Variants in AUTS2 observed in about 807,000 individuals in gnomAD.
AUTS2 encodes the protein autism susceptibility gene 2 protein.
A neutral mutation model predicts 112.4 loss-of-function variants in AUTS2; 17 were observed. The observed-to-expected ratio is 0.15, with a 90% CI of 0.10 to 0.23. AUTS2 has a LOEUF of 0.23. AUTS2 is among the 10% of genes least tolerant of loss of function. AUTS2 has a pLI of 1.00. For synonymous variants in AUTS2, 751 were observed against 702.7 expected (o/e 1.07, Z -1.09); for missense variants, 1,510 against 1,701.6 (o/e 0.89, Z 1.98).
chr7:69,694,998 A>G (rs1797496112), intron 1 of AUTS2, among the ~76,000 whole-genome samples: 1 of 152,120 alleles, frequency 6.6e-6, no homozygotes, highest in South Asian at 2.1e-4. Flanking sequence ...GTGGTAACCT[A>G]TGTTTTGTCA....
intron 4 of AUTS2, among the ~76,000 whole-genome samples, chr7:70,390,968 G>T (rs1793825429): frequency 6.6e-6 from 1 of 152,184 alleles, no homozygotes; most frequent in Non-Finnish European, 1.5e-5. Context: ...CCGAATCTGT[G>T]CTGATAACTG....
At chr7:69,856,451 C>A (rs1054825410) in intron 1 of AUTS2, among the ~76,000 whole-genome samples, 1 of 152,184 alleles carries the variant, frequency 6.6e-6, no homozygotes, top group African/African-American at 2.4e-5. Flanking sequence ...AACTGGTAAT[C>A]TCAGTTCCTG....
chr7:70,034,190 G>GA (rs1165080578), intron 2 of AUTS2, among the ~76,000 whole-genome samples: 1 of 152,154 alleles, frequency 6.6e-6, no homozygotes, highest in African/African-American at 2.4e-5. Flanking sequence ...GGTGTCCTCT[G>GA]AAAAATCAGA....
chr7:69,979,577 A>C (rs1798208409), intron 2 of AUTS2, among the ~76,000 whole-genome samples: 1 of 152,222 alleles, frequency 6.6e-6, no homozygotes, highest in Non-Finnish European at 1.5e-5. Flanking sequence ...GTATTTTGGA[A>C]ATAAAAGATG....
chr7:69,778,411 C>G (rs1374347115), intron 1 of AUTS2, among the ~76,000 whole-genome samples: 1 of 151,646 alleles, frequency 6.6e-6, no homozygotes, highest in East Asian at 1.9e-4. Flanking sequence ...AAAAAAAAAC[C>G]CATGCCAAGA....
chr7:69,876,463 T>A (rs1484559387), intron 1 of AUTS2, among the ~76,000 whole-genome samples: 6 of 123,422 alleles, frequency 4.9e-5, no homozygotes, highest in Non-Finnish European at 6.7e-5. Context: ...ATACATTATA[T>A]ATATACATAA....
intron 2 of AUTS2, among the ~76,000 whole-genome samples, chr7:70,040,617 C>T (rs891672765): frequency 6.6e-6 from 1 of 152,160 alleles, no homozygotes; most frequent in African/African-American, 2.4e-5. Flanking sequence ...TTCCTTCTGC[C>T]ACCAAGGAGC....
rs1460005573 is a variant in AUTS2, at chr7:70,789,779, C to T, written c.2563C>T (p.Pro855Ser). ...CGTCGAGAAGAGACACTCCAGCCAC[C>T]CTTCACCAGCACCTGTCCTCCCGGT... ...ESVEKRHSSH[P>S]SPAPVLPVNA... The change falls in exon 19 of 19, where the codon CCT (proline) becomes TCT (serine). Residue 855 changes from proline to serine, a missense_variant. Coordinates refer to ENST00000342771, the MANE Select transcript of AUTS2 (RefSeq NM_015570.4). The T allele has an allele frequency of 6.2e-7, 1 of 1,613,996 alleles. No homozygotes were observed. Among genetic ancestry groups the T allele is most frequent in the Non-Finnish European group, 8.5e-7 (1 of 1,179,918 alleles).
chr7:70,045,754 G>T (rs150090650), intron 2 of AUTS2, among the ~76,000 whole-genome samples: 3 of 149,404 alleles, frequency 2.0e-5, no homozygotes, highest in African/African-American at 7.4e-5. Context: ...GATTACAGGC[G>T]CATGCCACCA....
At position 70,462,463 on chromosome 7, in the gene AUTS2, T is replaced by C. The variant is rs190846007; in HGVS notation, c.690+26682T>C. Among the ~76,000 whole-genome samples, 46 of 152,258 alleles carry C rather than the reference T, an allele frequency of 3.0e-4. 1 individual carries two copies. The highest frequency in any genetic ancestry group is 1.0e-3 in the African/African-American group (42 of 41,566). On this transcript the variant is annotated intron_variant, in intron 5 of 18. Coordinates refer to ENST00000342771, the MANE Select transcript of AUTS2 (RefSeq NM_015570.4). ...AGGTATTCACTCTAAAATACCACTTTTCTCTATGTTTGAAAATTTTCATAA... is the reference window on the plus strand; with the variant it reads ...AGGTATTCACTCTAAAATACCACTTCTCTCTATGTTTGAAAATTTTCATAA...
chr7:69,682,315 C>T (rs1796834556), intron 1 of AUTS2, among the ~76,000 whole-genome samples: 1 of 152,136 alleles, frequency 6.6e-6, no homozygotes, highest in African/African-American at 2.4e-5. Flanking sequence ...ACTTCAGTGT[C>T]GTGTTTAGAG....
chr7:69,628,165 A>G (rs1583968817), intron 1 of AUTS2, among the ~76,000 whole-genome samples: 1 of 152,210 alleles, frequency 6.6e-6, no homozygotes, highest in Non-Finnish European at 1.5e-5. Flanking sequence ...CCCTGAAACG[A>G]GATGGTTTAT....
At chr7:69,613,350 G>A (rs1303929616) in intron 1 of AUTS2, among the ~76,000 whole-genome samples, 1 of 152,176 alleles carries the variant, frequency 6.6e-6, no homozygotes, top group Non-Finnish European at 1.5e-5. Context: ...CCTTTGAAAA[G>A]TTGGAGCTTA....
chr7:70,339,510 T>C (rs1791159207), intron 4 of AUTS2, among the ~76,000 whole-genome samples: 1 of 152,246 alleles, frequency 6.6e-6, no homozygotes, highest in South Asian at 2.1e-4. Context: ...CGGGGTCATC[T>C]ATTGTATTAA....
chr7:70,617,709 G>A (rs753277342), intron 5 of AUTS2, among the ~76,000 whole-genome samples: 7 of 151,954 alleles, frequency 4.6e-5, no homozygotes, highest in South Asian at 2.1e-4. Context: ...GAAAGTGACC[G>A]AGGGAGAGGA....
intron 1 of AUTS2, among the ~76,000 whole-genome samples, chr7:69,797,099 C>T (rs912150840): frequency 6.6e-6 from 1 of 152,098 alleles, no homozygotes; most frequent in Non-Finnish European, 1.5e-5. Flanking sequence ...AGTGGCTAAA[C>T]TTCAACTTTT....
chr7:70,059,814 T>A (rs1237306868), intron 2 of AUTS2, among the ~76,000 whole-genome samples: 2 of 152,240 alleles, frequency 1.3e-5, no homozygotes, highest in East Asian at 1.9e-4. Flanking sequence ...ATTTTTGAGG[T>A]AGGAAGTGAT....
At chr7:69,923,643 C>T (rs145262309) in intron 2 of AUTS2, among the ~76,000 whole-genome samples, 3 of 152,134 alleles carry the variant, frequency 2.0e-5, no homozygotes, top group Non-Finnish European at 2.9e-5. Flanking sequence ...ATATTTTGTA[C>T]TTTTCAGTAT....
intron 5 of AUTS2, among the ~76,000 whole-genome samples, chr7:70,498,435 A>T (rs1423496478): frequency 6.6e-6 from 1 of 152,080 alleles, no homozygotes; most frequent in Non-Finnish European, 1.5e-5. Flanking sequence ...TTTGGCACTG[A>T]TTGGGTCTTG....
Sources: gnomAD v4.1 joint callset for allele counts (sites outside exome capture counted in the v4.1 genomes callset) on GRCh38, gnomAD v4.1.1 for gene constraint, MANE v1.5 for transcripts, NCBI Gene and HGNC (gene_info 2026-07-23, HGNC 2026-07-21) for gene names.